LRRC7: variants seen among roughly 807,000 people sequenced by gnomAD.
LRRC7 encodes leucine-rich repeat-containing protein 7.
A neutral mutation model predicts 175.7 loss-of-function variants in LRRC7; 23 were observed. The observed-to-expected ratio is 0.13, with a 90% CI of 0.09 to 0.19. LRRC7 has a LOEUF of 0.19. Among genes scored for constraint, LRRC7 ranks in the 10% least tolerant of loss-of-function variants. The pLI is 1.00. For missense variants in LRRC7, 1,354 were observed against 1,904.7 expected (o/e 0.71, Z 5.38); for synonymous variants, 685 against 680.9 (o/e 1.01, Z -0.09).
chr1:69,674,044 A>C (rs1056001192), intron 1 of LRRC7, among the ~76,000 whole-genome samples: 1 of 152,082 alleles, frequency 6.6e-6, no homozygotes, highest in Non-Finnish European at 1.5e-5. Flanking sequence ...GCCTCGCTCT[A>C]TTGCCCAGGC....
chr1:69,939,080 C>T (rs1202344443), intron 8 of LRRC7, among the ~76,000 whole-genome samples: 2 of 136,492 alleles, frequency 1.5e-5, no homozygotes, highest in African/African-American at 5.5e-5. Context: ...GTTATTAATA[C>T]ATCAAAAGAA....
chr1:69,890,749 T>A (rs1384445139), intron 7 of LRRC7, among the ~76,000 whole-genome samples: 1 of 152,244 alleles, frequency 6.6e-6, no homozygotes, highest in Non-Finnish European at 1.5e-5. Flanking sequence ...GAGCTAGATC[T>A]TCTGGATAAT....
intron 3 of LRRC7, among the ~76,000 whole-genome samples, chr1:69,762,208 A>C (rs1337347087): frequency 6.6e-6 from 1 of 151,942 alleles, no homozygotes; most frequent in Non-Finnish European, 1.5e-5. Context: ...CTATGCAACA[A>C]ATTTTGTAAG....
Position 69,873,222 on chromosome 1 carries a change from C to T in LRRC7, c.647+34939C>T, listed in dbSNP as rs201247600. Reference sequence around the variant, plus strand: ...CCTTTCAGGGGGTGTGCATGTTTTTCGTCATCTGGCCCAATTCCACTCTGA... The same window carrying T: ...CCTTTCAGGGGGTGTGCATGTTTTTTGTCATCTGGCCCAATTCCACTCTGA... On this transcript the variant is annotated intron_variant, in intron 7 of 26. Transcript: ENST00000651989. 2.6e-5 allele frequency among the ~76,000 whole-genome samples: 4 copies of T among 152,150 alleles called. No individual in the cohort carries two copies. In the East Asian group the frequency reaches 5.8e-4, roughly 22 times the overall value.
intron 15 of LRRC7, among the ~76,000 whole-genome samples, chr1:70,019,910 C>T (rs1402119583): frequency 1.1e-4 from 16 of 151,872 alleles, no homozygotes; most frequent in Admixed American, 1.1e-3. Flanking sequence ...AAATATTTAA[C>T]TTCAAAAGAA....
intron 1 of LRRC7, among the ~76,000 whole-genome samples, chr1:69,617,578 A>T (rs781642960): frequency 6.9e-6 from 1 of 143,888 alleles, no homozygotes; most frequent in Admixed American, 7.0e-5. Context: ...AAAAATCAGA[A>T]CTACTCTGAG....
intron 24 of LRRC7, among the ~76,000 whole-genome samples, chr1:70,083,093 C>T (rs1041935714): frequency 2.4e-4 from 36 of 151,974 alleles, no homozygotes; most frequent in Admixed American, 1.9e-3. Flanking sequence ...CTGACCAGTA[C>T]ATCTTTTGGA....
intron 5 of LRRC7, among the ~76,000 whole-genome samples, chr1:69,831,971 C>A (rs1288674630): frequency 6.6e-6 from 1 of 152,030 alleles, no homozygotes; most frequent in Non-Finnish European, 1.5e-5. Flanking sequence ...TTCAAAGAAC[C>A]TATCAATGAC....
chr1:69,899,104 G>C (rs189364537), intron 7 of LRRC7, among the ~76,000 whole-genome samples: 4 of 152,318 alleles, frequency 2.6e-5, no homozygotes, highest in African/African-American at 9.6e-5. Context: ...AGAAGGAATG[G>C]AAAGGAGTTA....
At chr1:69,729,671 T>A (rs1667350676) in intron 2 of LRRC7, among the ~76,000 whole-genome samples, 1 of 152,204 alleles carries the variant, frequency 6.6e-6, no homozygotes, top group Non-Finnish European at 1.5e-5. Flanking sequence ...GCTGCTTTTA[T>A]GGGCTGGCAT....
intron 2 of LRRC7, among the ~76,000 whole-genome samples, chr1:69,698,567 A>C (rs1030305867): frequency 7.2e-5 from 11 of 152,226 alleles, no homozygotes; most frequent in Non-Finnish European, 1.5e-5. Context: ...CAGAAAACTG[A>C]ACAAAATTTC....
At chr1:69,934,047 A>G (rs1344079841) in intron 8 of LRRC7, among the ~76,000 whole-genome samples, 1 of 152,170 alleles carries the variant, frequency 6.6e-6, no homozygotes, top group Non-Finnish European at 1.5e-5. Context: ...TAGTTTGACT[A>G]TTACTAGTCA....
intron 1 of LRRC7, among the ~76,000 whole-genome samples, chr1:69,589,307 T>A (rs1024221530): frequency 2.0e-4 from 30 of 152,178 alleles, no homozygotes; most frequent in African/African-American, 6.5e-4. Flanking sequence ...TTTCCATACA[T>A]CCGCCAGGAC....
chr1:69,809,169 T>C (rs770414092), intron 4 of LRRC7, among the ~76,000 whole-genome samples: 2 of 151,924 alleles, frequency 1.3e-5, no homozygotes, highest in African/African-American at 2.4e-5. Context: ...AACTAGAAAA[T>C]CTAGAAGAAA....
intron 22 of LRRC7, among the ~76,000 whole-genome samples, chr1:70,046,332 G>T (rs1414460204): frequency 6.6e-6 from 1 of 152,028 alleles, no homozygotes; most frequent in Non-Finnish European, 1.5e-5. Flanking sequence ...ATTACTGCGA[G>T]CTCTAAGAAG....
At chr1:69,836,091 A>T (rs905502754) in intron 6 of LRRC7, among the ~76,000 whole-genome samples, 1 of 152,042 alleles carries the variant, frequency 6.6e-6, no homozygotes, top group Non-Finnish European at 1.5e-5. Flanking sequence ...CAAATAATAG[A>T]CTAAGTATAG....
chr1:69,653,110 C>G (rs1656100687), intron 1 of LRRC7, among the ~76,000 whole-genome samples: 1 of 151,966 alleles, frequency 6.6e-6, no homozygotes, highest in African/African-American at 2.4e-5. Flanking sequence ...TAACATCAAA[C>G]TAAAAACTTC....
intron 2 of LRRC7, among the ~76,000 whole-genome samples, chr1:69,712,944 G>T (rs1420031848): frequency 6.6e-6 from 1 of 152,032 alleles, no homozygotes; most frequent in Non-Finnish European, 1.5e-5. Context: ...AAGATCTGTT[G>T]TTCTAAATTT....
intron 4 of LRRC7, among the ~76,000 whole-genome samples, chr1:69,824,508 C>T (rs971669164): frequency 2.6e-5 from 4 of 151,978 alleles, no homozygotes; most frequent in African/African-American, 4.8e-5. Flanking sequence ...AATTTTAGGA[C>T]CGCATGATTT....
Sources: allele counts gnomAD v4.1 joint callset (sites outside exome capture counted in the v4.1 genomes callset), GRCh38; gene constraint gnomAD v4.1.1; transcripts MANE v1.5; gene names NCBI Gene and HGNC (gene_info 2026-07-23, HGNC 2026-07-21).